The following ALK variants were observed in gnomAD, a reference collection of about 807,000 sequenced individuals.
ALK encodes the protein ALK receptor tyrosine kinase, also known as ALK tyrosine kinase receptor.
A neutral mutation model predicts 163.1 loss-of-function variants in ALK; 74 were observed. The ratio of observed to expected loss-of-function variants is 0.45; its 90% confidence interval spans 0.38 to 0.55. ALK has a LOEUF of 0.55. Ranked by LOEUF, ALK falls within the 20% of genes least tolerant of loss-of-function variation. ALK has a pLI of 0.00. For synonymous variants in ALK, 960 were observed against 843.2 expected (o/e 1.14, Z -2.40); for missense variants, 2,063 against 2,105.3 (o/e 0.98, Z 0.39).
At chr2:29,608,655 C>G (rs539633025) in intron 3 of ALK, among the ~76,000 whole-genome samples, 1 of 152,324 alleles carries the variant, frequency 6.6e-6, no homozygotes, top group African/African-American at 2.4e-5. Flanking sequence ...GCTCCTTGAC[C>G]TCTAGACCAG....
At chr2:29,524,323 T>C (rs1400593427) in intron 4 of ALK, among the ~76,000 whole-genome samples, 4 of 152,064 alleles carry the variant, frequency 2.6e-5, no homozygotes, top group Non-Finnish European at 5.9e-5. Flanking sequence ...TTCAGAGGAG[T>C]CCTCCTGAGA....
At chr2:29,852,752 T>C (rs1350950072) in intron 1 of ALK, among the ~76,000 whole-genome samples, 1 of 152,058 alleles carries the variant, frequency 6.6e-6, no homozygotes, top group African/African-American at 2.4e-5. Context: ...GTGAGACCTT[T>C]GGGAGGTGAT....
chr2:29,532,642 C>T (rs995684281), intron 3 of ALK, among the ~76,000 whole-genome samples: 2 of 152,186 alleles, frequency 1.3e-5, no homozygotes, highest in Non-Finnish European at 2.9e-5. Flanking sequence ...CTACAAATCT[C>T]CCCTGTTGTT....
At chr2:29,279,978 TGTACCAGGTA>T (rs1288022710) in intron 9 of ALK, among the ~76,000 whole-genome samples, 15 of 152,212 alleles carry the variant, frequency 9.9e-5, no homozygotes. Context: ...AGTTCTGGTA[TGTACCAGGTA>T]GACTACCAAG....
intron 3 of ALK, among the ~76,000 whole-genome samples, chr2:29,595,924 G>A (rs78806356): frequency 0.015 from 2,218 of 152,280 alleles, 30 homozygotes; most frequent in Non-Finnish European, 0.023. Context: ...AACTCTGGAC[G>A]AAGATAAGGT....
chr2:29,581,703 G>A (rs1674696847), intron 3 of ALK, among the ~76,000 whole-genome samples: 2 of 152,158 alleles, frequency 1.3e-5, no homozygotes, highest in Non-Finnish European at 2.9e-5. Context: ...GACCATCCTA[G>A]ATGACCAGGG....
chr2:29,903,649 T>C (rs1667471841), intron 1 of ALK, among the ~76,000 whole-genome samples: 1 of 152,186 alleles, frequency 6.6e-6, no homozygotes. Flanking sequence ...GCAGCTCTGG[T>C]GAGTTTACTA....
intron 8 of ALK, among the ~76,000 whole-genome samples, chr2:29,317,303 G>A (rs1198087982): frequency 2.0e-5 from 3 of 152,200 alleles, no homozygotes; most frequent in Admixed American, 6.5e-5. Flanking sequence ...TGTCCAGAAC[G>A]AGATGACTGG....
chr2:29,223,723 T>G (rs2148171745), intron 19 of ALK, 195 bp from the exon 20 acceptor site: 1 of 610,756 alleles, frequency 1.6e-6, no homozygotes, highest in Non-Finnish European at 2.9e-6. Flanking sequence ...TTAAAGTAAA[T>G]GCAAAGCTAA....
At chr2:29,376,333 C>T (rs764875630) in intron 5 of ALK, among the ~76,000 whole-genome samples, 17 of 152,162 alleles carry the variant, frequency 1.1e-4, no homozygotes, top group Non-Finnish European at 1.9e-4. Context: ...ACAAACTCTT[C>T]GTAAGATTTG....
chr2:29,853,803 C>G (rs150430742), intron 1 of ALK, among the ~76,000 whole-genome samples: 23 of 152,250 alleles, frequency 1.5e-4, no homozygotes, highest in Non-Finnish European at 2.6e-4. Context: ...CTCCTCTTCT[C>G]TCTTCACTTG....
At chr2:29,462,271 A>C (rs1269652635) in intron 4 of ALK, among the ~76,000 whole-genome samples, 2 of 152,214 alleles carry the variant, frequency 1.3e-5, no homozygotes, top group Non-Finnish European at 2.9e-5. Context: ...ATAAAGCAGT[A>C]GCAGGGTTTG....
chr2:29,198,431 C>T (rs1199107941), intron 26 of ALK, among the ~76,000 whole-genome samples: 1 of 152,198 alleles, frequency 6.6e-6, no homozygotes, highest in African/African-American at 2.4e-5. Flanking sequence ...CATTCTCCCA[C>T]ACCCCTCCAC....
chr2:29,845,406 T>A (rs916077793), intron 1 of ALK, among the ~76,000 whole-genome samples: 1 of 150,786 alleles, frequency 6.6e-6, no homozygotes, highest in Non-Finnish European at 1.5e-5. Context: ...GAGACAGGTG[T>A]CTTTGCTGCA....
intron 4 of ALK, among the ~76,000 whole-genome samples, chr2:29,446,430 T>G (rs1254244466): frequency 4.6e-5 from 7 of 152,148 alleles, no homozygotes; most frequent in Non-Finnish European, 8.8e-5. Context: ...TTGTGAGACT[T>G]AAATAAGAGA....
intron 3 of ALK, among the ~76,000 whole-genome samples, chr2:29,540,191 C>A (rs1205612429): frequency 6.6e-6 from 1 of 152,066 alleles, no homozygotes; most frequent in Non-Finnish European, 1.5e-5. Context: ...GACCTGATAT[C>A]TTTTCTACAC....
chr2:29,536,677 G>A (rs879423844), intron 3 of ALK, among the ~76,000 whole-genome samples: 13 of 152,172 alleles, frequency 8.5e-5, no homozygotes, highest in African/African-American at 3.1e-4. Flanking sequence ...AGGAATTTGG[G>A]CGGGAGAAGC....
intron 12 of ALK, among the ~76,000 whole-genome samples, chr2:29,245,269 G>T: frequency 1.4e-5 from 2 of 139,836 alleles, no homozygotes; most frequent in African/African-American, 5.4e-5. Context: ...GGGCTTTATG[G>T]CTCAATGCCC....
At position 29,680,478 on chromosome 2, in the gene ALK, T is replaced by A. The variant is rs149301287; in HGVS notation, c.952+14372A>T. Among the ~76,000 whole-genome samples, 579 of 152,222 alleles carry A rather than the reference T, an allele frequency of 3.8e-3. 6 individuals are homozygous for A. The highest frequency in any genetic ancestry group is 0.013 in the African/African-American group (554 of 41,570). ...TCTGCTGTTGAGCTGGTCTAGTGAA[T>A]TCTTCATTTTAGTTACTGCACTTTC... On this transcript the variant is annotated intron_variant, in intron 3 of 28. Coordinates refer to ENST00000389048, the MANE Select transcript of ALK (RefSeq NM_004304.5).
Sources: allele counts gnomAD v4.1 joint callset (sites outside exome capture counted in the v4.1 genomes callset), GRCh38; gene constraint gnomAD v4.1.1; transcripts MANE v1.5; gene names NCBI Gene and HGNC (gene_info 2026-07-23, HGNC 2026-07-21).